Variants in IPP observed in about 807,000 individuals in gnomAD.
IPP encodes the protein intracisternal A particle-promoted polypeptide.
Under a neutral mutation model 64.1 loss-of-function variants are expected in IPP, and 41 were observed. The ratio of observed to expected loss-of-function variants is 0.64; its 90% CI spans 0.50 to 0.83. The LOEUF (loss-of-function observed/expected upper bound fraction) is 0.83, where lower values mean the gene tolerates loss of function less well. IPP is among the 40% of genes least tolerant of loss of function. The pLI, the probability that IPP is intolerant of heterozygous loss-of-function variation, is 0.00. For synonymous variants in IPP, 214 were observed against 235.2 expected, an observed-to-expected ratio of 0.91 and a Z score of 0.83; for missense variants, 649 against 703.0, an observed-to-expected ratio of 0.92 and a Z score of 0.87.
intron 8 of IPP, among the ~76,000 whole-genome samples, chr1:45,701,713 C>G (rs545494781): frequency 7.9e-4 from 121 of 152,282 alleles, no homozygotes; most frequent in African/African-American, 2.9e-3. Context: ...GATTATCAAT[C>G]TTTAAATAAA....
At position 45,727,772 on chromosome 1, in the gene IPP, G is replaced by C; in HGVS notation, c.907C>G (p.Arg303Gly). ...CTGAGGGCTCTGCTATCACTCCAGC[G>C]ACCCCCCTGCAACCGAGTATATCCA... ...VGGYTRLQGG[R>G]WSDSRALSCV... The change falls in exon 5 of 9, where the codon CGC becomes GGC. Residue 303 changes from arginine (R) to glycine (G), a missense_variant. Arg to Gly is a moderately radical substitution (Grantham distance 125). Transcript: ENST00000396478. 6.4e-7 allele frequency: 1 copy of C among 1,567,248 alleles called. No homozygotes were observed. The highest frequency in any genetic ancestry group is 8.7e-7 in the Non-Finnish European group (1 of 1,145,958).
At chr1:45,717,929 T>C (rs1645682936) in intron 6 of IPP, among the ~76,000 whole-genome samples, 1 of 152,202 alleles carries the variant, frequency 6.6e-6, no homozygotes, top group Admixed American at 6.6e-5. Flanking sequence ...GTAACTGATA[T>C]TTTTTCCACA....
At chr1:45,696,895 A>G (rs1645392717), downstream of IPP, 1 of 152,244 alleles carries the variant, frequency 6.6e-6, no homozygotes, top group Admixed American at 6.5e-5. Context: ...CTGCCTTGAC[A>G]TTACATTTCT....
At chr1:45,727,539 T>C (rs1476625488) in intron 5 of IPP, 92 bp downstream of exon 5, 2 of 404,752 alleles carry the variant, frequency 4.9e-6, no homozygotes, top group Non-Finnish European at 7.6e-6. Context: ...CAATTAGATA[T>C]ATGTATATCA....
At position 45,709,358 on chromosome 1, in the gene IPP, G is replaced by A. The variant is rs988025792; in HGVS notation, c.1530+4888C>T. ...TGAGGCAGGAGAATGGTGTGAACCC[G>A]GGAAGCAGAACTTGCACTGAGCCGA... On this transcript the variant is annotated intron_variant, in intron 8 of 8. Transcript: ENST00000396478. Among the ~76,000 whole-genome samples, 15 of 143,154 alleles carry A rather than the reference G, an allele frequency of 1.0e-4. No homozygotes were observed. The East Asian group carries it at 2.1e-3, about 20-fold the overall frequency. The allele number at this position is 143,154 out of a possible 152,430, so 93.9% of individuals were successfully genotyped here.
At chr1:45,718,527 C>T (rs1243596316) in intron 6 of IPP, among the ~76,000 whole-genome samples, 1 of 151,910 alleles carries the variant, frequency 6.6e-6, no homozygotes, top group Non-Finnish European at 1.5e-5. Flanking sequence ...TGTACCATCC[C>T]CCGCCTGAGT....
At chr1:45,740,861 A>T (rs1243513075) in intron 3 of IPP, 40 bp downstream of exon 3, 2 of 1,285,240 alleles carry the variant, frequency 1.6e-6, no homozygotes, top group Admixed American at 4.6e-5. Context: ...ACATCACTGG[A>T]TAATTAATCA....
intron 8 of IPP, among the ~76,000 whole-genome samples, chr1:45,700,626 C>T (rs1054289380): frequency 6.6e-6 from 1 of 152,168 alleles, no homozygotes; most frequent in African/African-American, 2.4e-5. Flanking sequence ...GTGTAAGCCA[C>T]AGCACCCGGC....
rs555869403 is a variant in IPP, at chr1:45,716,948, A to G, written c.1256T>C (p.Val419Ala). The change falls in exon 7 of 9, where the codon GTA becomes GCA. Residue 419 changes from valine (V) to alanine (A), a missense_variant. Transcript: ENST00000396478. The stretch of plus-strand genomic sequence containing the variant: ...GCGTGACACAGCCATGTTACCAACT[A>G]CTTCCCATTTATTTTCATCAGGATC... The part of the protein sequence containing the change: ...RFDPDENKWE[V>A]VGNMAVSRYY... 6.2e-6 allele frequency: 10 copies of G among 1,612,836 alleles called. No individual in the cohort carries two copies. The highest frequency in any genetic ancestry group is 2.2e-5 in the East Asian group (1 of 44,826).
Position 45,699,896 on chromosome 1 carries a change from A to G in IPP, c.*70T>C, listed in dbSNP as rs1569937894. Reference sequence around the variant, plus strand: ...ATCAGAGGGTCTTATCACCAAATCTATGTTTGCTTTGCAAAAGGTCAGGTC... The same window carrying G: ...ATCAGAGGGTCTTATCACCAAATCTGTGTTTGCTTTGCAAAAGGTCAGGTC... On this transcript the variant is annotated 3_prime_UTR_variant, in exon 9 of 9. Transcript: ENST00000396478. The G allele has an allele frequency of 1.3e-6, 2 of 1,572,802 alleles. No homozygotes were observed. Among genetic ancestry groups the G allele is most frequent in the East Asian group, 2.2e-5 (1 of 44,500 alleles).
chr1:45,743,853 A>G (rs1223051410), intron 2 of IPP, among the ~76,000 whole-genome samples: 1 of 151,650 alleles, frequency 6.6e-6, no homozygotes, highest in Non-Finnish European at 1.5e-5. Context: ...TCTACTAAAA[A>G]AAAAAATACA....
intron 3 of IPP, among the ~76,000 whole-genome samples, chr1:45,735,525 T>G (rs1570030883): frequency 1.5e-5 from 2 of 134,394 alleles, no homozygotes. Flanking sequence ...CAGGCTGGAG[T>G]GAAGTGGCAT....
At chr1:45,735,724 G>A (rs958406681) in intron 3 of IPP, among the ~76,000 whole-genome samples, 7 of 142,670 alleles carry the variant, frequency 4.9e-5, no homozygotes, top group East Asian at 2.1e-4. Flanking sequence ...CCGCCTCCTC[G>A]GTTCAAGCAA....
chr1:45,720,779 T>C (rs1450965908), intron 5 of IPP, among the ~76,000 whole-genome samples: 2 of 152,186 alleles, frequency 1.3e-5, no homozygotes, highest in Admixed American at 6.5e-5. Flanking sequence ...GCTAGAATAA[T>C]TGATTATACA....
chr1:45,726,737 T>TC (rs1645833143), intron 5 of IPP, among the ~76,000 whole-genome samples: 1 of 151,520 alleles, frequency 6.6e-6, no homozygotes, highest in Non-Finnish European at 1.5e-5. Context: ...TTTTTTTTTT[T>TC]TTTGAGATGG....
Position 45,740,922 on chromosome 1 carries a change from T to C in IPP, c.703A>G (p.Arg235Gly), listed in dbSNP as rs1646054787. 6.2e-7 allele frequency: 1 copy of C among 1,600,008 alleles called. No homozygotes were observed. Residue 235 changes from arginine (R) to glycine (G), a missense_variant, in exon 3 of 9, where the codon AGA (arginine) becomes GGA (glycine). By Grantham distance (125) the Arg-to-Gly change is moderately radical. Coordinates refer to ENST00000396478, the MANE Select transcript of IPP (RefSeq NM_005897.3). ...TTACCTTCTATATACTTTAAAAGTC[T>C]CTGAGGAGGTAATAAAGGGAATCGA... The part of the protein sequence containing the change: ...PIRFPLLPPQ[R>G]LLKYIEGVSD...
intron 8 of IPP, among the ~76,000 whole-genome samples, chr1:45,701,292 T>G (rs549680458): frequency 9.9e-5 from 15 of 152,122 alleles, no homozygotes; most frequent in African/African-American, 3.4e-4. Context: ...TACTTTTTTT[T>G]TTGTTTTTTT....
chr1:45,698,460 T>C (rs535644379), downstream of IPP, among the ~76,000 whole-genome samples: 10 of 152,270 alleles, frequency 6.6e-5, no homozygotes, highest in African/African-American at 2.2e-4. Context: ...ATGAGAAGTT[T>C]TGAGAAGCAG....
In IPP at chr1:45,710,149, C is replaced by CGGT. The variant is rs529803216; in HGVS notation, c.1530+4096_1530+4097insACC. ...CTAAGACAGGAGAATTGCTTGAACCCGGGAGGCGGAGGTTGCAGTGAGCCG... is the reference window on the plus strand; with the variant it reads ...CTAAGACAGGAGAATTGCTTGAACCCGGTGGGAGGCGGAGGTTGCAGTGAGCCG... On this transcript the variant is annotated intron_variant, in intron 8 of 8. Coordinates refer to ENST00000396478, the MANE Select transcript of IPP (RefSeq NM_005897.3). Among the ~76,000 whole-genome samples the CGGT allele has an allele frequency of 2.8e-3, 265 of 95,634 alleles. 1 individual carries two copies. Among genetic ancestry groups the CGGT allele is most frequent in the African/African-American group, 9.5e-3 (247 of 26,086 alleles). 62.7% of individuals were successfully genotyped at this position (95,634 alleles called of 152,430 possible).
Sources: gnomAD v4.1 joint callset for allele counts (sites outside exome capture counted in the v4.1 genomes callset) on GRCh38, gnomAD v4.1.1 for gene constraint, MANE v1.5 for transcripts, NCBI Gene and HGNC (gene_info 2026-07-23, HGNC 2026-07-21) for gene names.